Variants in IL23R observed in about 807,000 individuals in gnomAD.
IL23R encodes interleukin 23 receptor, also known as interleukin-23 receptor.
Under a neutral mutation model 56.9 loss-of-function variants are expected in IL23R, and 34 were observed. The ratio of observed to expected loss-of-function variants is 0.60; its 90% CI spans 0.45 to 0.80. The LOEUF (loss-of-function observed/expected upper bound fraction) is 0.80, where lower values mean the gene tolerates loss of function less well. Among genes scored for constraint, IL23R ranks in the 30% least tolerant of loss-of-function variants. The probability of loss-of-function intolerance (pLI) is 0.00; values close to 1 mark genes in which losing one functional copy is unlikely to be tolerated. For missense variants in IL23R, 635 were observed against 730.0 expected (o/e 0.87, Z 1.50); for synonymous variants, 230 against 249.2 (o/e 0.92, Z 0.73).
chr1:67,225,898 G>A (rs1650586060), intron 7 of IL23R, among the ~76,000 whole-genome samples: 1 of 152,186 alleles, frequency 6.6e-6, no homozygotes, highest in Non-Finnish European at 1.5e-5. Context: ...CATTGCTGTA[G>A]AGGTCAGACA....
chr1:67,142,971 C>A (rs575811308), intron 1 of IL23R, among the ~76,000 whole-genome samples: 2 of 152,310 alleles, frequency 1.3e-5, no homozygotes, highest in South Asian at 2.1e-4. Context: ...GTAGGTATAA[C>A]TATGCCTATT....
chr1:67,241,131 T>C (rs927366252), intron 9 of IL23R, among the ~76,000 whole-genome samples: 2 of 152,222 alleles, frequency 1.3e-5, no homozygotes, highest in Admixed American at 6.5e-5. Context: ...CTTTAATAAT[T>C]CCCCCCTTTT....
intron 1 of IL23R, among the ~76,000 whole-genome samples, chr1:67,152,708 T>C (rs552611436): frequency 6.6e-6 from 1 of 151,816 alleles, no homozygotes; most frequent in South Asian, 2.1e-4. Context: ...GAGATAATCA[T>C]GTGGTTCTTT....
At chr1:67,228,931 A>G (rs966787188) in intron 7 of IL23R, among the ~76,000 whole-genome samples, 2 of 152,206 alleles carry the variant, frequency 1.3e-5, no homozygotes, top group Admixed American at 6.5e-5. Context: ...GTAACTGAGT[A>G]GAAAGAACAT....
At chr1:67,194,662 C>T (rs1648001590) in intron 4 of IL23R, among the ~76,000 whole-genome samples, 1 of 152,114 alleles carries the variant, frequency 6.6e-6, no homozygotes, top group African/African-American at 2.4e-5. Flanking sequence ...TCCATTTTGA[C>T]TTGTGGTCTC....
At chr1:67,139,815 A>G (rs189396750) in intron 1 of IL23R, among the ~76,000 whole-genome samples, 6 of 152,258 alleles carry the variant, frequency 3.9e-5, no homozygotes, top group Admixed American at 3.9e-4. Context: ...TAGCTGTCCT[A>G]CAGGAAAGAC....
At chr1:67,228,065 G>T (rs111760419) in intron 7 of IL23R, among the ~76,000 whole-genome samples, 2 of 84,758 alleles carry the variant, frequency 2.4e-5, no homozygotes, top group Admixed American at 1.4e-4. Context: ...TTCTTTCTCT[G>T]TCTCTCTCTT....
chr1:67,168,033 G>A (rs1646894485), intron 1 of IL23R, 59 bp from the exon 2 acceptor site: 1 of 952,892 alleles, frequency 1.0e-6, no homozygotes, highest in Non-Finnish European at 1.7e-6. Flanking sequence ...AAAATGTTAT[G>A]CTTTTTATTA....
intron 1 of IL23R, among the ~76,000 whole-genome samples, chr1:67,141,763 G>A (rs1267648114): frequency 6.6e-6 from 1 of 151,980 alleles, no homozygotes; most frequent in East Asian, 1.9e-4. Context: ...GGATAATTAA[G>A]GAATCAGAGA....
chr1:67,196,779 A>G (rs1047522425), intron 4 of IL23R, among the ~76,000 whole-genome samples: 5 of 152,260 alleles, frequency 3.3e-5, no homozygotes, highest in Non-Finnish European at 5.9e-5. Context: ...TAATGCTTAA[A>G]AAAATGCTTA....
intron 5 of IL23R, among the ~76,000 whole-genome samples, chr1:67,204,265 A>G (rs987482158): frequency 2.6e-5 from 4 of 152,108 alleles, no homozygotes; most frequent in African/African-American, 9.7e-5. Context: ...GGGTTTCACC[A>G]TGTTAGCCAG....
At chr1:67,187,573 G>A (rs1647428562) in intron 4 of IL23R, among the ~76,000 whole-genome samples, 1 of 151,970 alleles carries the variant, frequency 6.6e-6, no homozygotes, top group Admixed American at 6.6e-5. Flanking sequence ...TATAAAGTAA[G>A]GAATATTTGT....
intron 4 of IL23R, among the ~76,000 whole-genome samples, chr1:67,200,339 A>T (rs1041077316): frequency 1.3e-5 from 2 of 151,164 alleles, no homozygotes; most frequent in African/African-American, 4.9e-5. Flanking sequence ...ATAAATTCTA[A>T]TTTTTTTTAA....
intron 1 of IL23R, among the ~76,000 whole-genome samples, chr1:67,152,741 G>A (rs892872557): frequency 4.4e-5 from 5 of 114,454 alleles, no homozygotes; most frequent in Non-Finnish European, 8.3e-5. Context: ...TTTATGTGAT[G>A]CGTTACATTT....
intron 1 of IL23R, among the ~76,000 whole-genome samples, chr1:67,151,196 TGCA>T (rs1646725707): frequency 6.6e-6 from 1 of 152,244 alleles, no homozygotes; most frequent in African/African-American, 2.4e-5. Context: ...TGCATTTCTC[TGCA>T]GATCAGTGGT....
intron 6 of IL23R, among the ~76,000 whole-genome samples, chr1:67,214,970 A>G (rs1455167396): frequency 1.3e-5 from 2 of 152,040 alleles, no homozygotes; most frequent in Non-Finnish European, 2.9e-5. Context: ...ACATTGTGAA[A>G]CTCCCTGCCC....
chr1:67,225,113 G>A (rs562834036), intron 7 of IL23R, among the ~76,000 whole-genome samples: 18 of 152,088 alleles, frequency 1.2e-4, no homozygotes, highest in Admixed American at 9.8e-4. Flanking sequence ...TCCTGCATCC[G>A]CCTGTGAAAC....
At chr1:67,200,575 G>A (rs1478591995) in intron 4 of IL23R, among the ~76,000 whole-genome samples, 162 bp from the exon 5 acceptor site, 1 of 151,788 alleles carries the variant, frequency 6.6e-6, no homozygotes, top group Admixed American at 6.6e-5. Context: ...AATAGAGACA[G>A]GGTTTCACCA....
At chr1:67,171,083 T>G (rs1646937891) in intron 3 of IL23R, among the ~76,000 whole-genome samples, 1 of 152,162 alleles carries the variant, frequency 6.6e-6, no homozygotes, top group South Asian at 2.1e-4. Context: ...CTTCTTAGCT[T>G]GTCCACATCC....
Sources: allele counts gnomAD v4.1 joint callset (sites outside exome capture counted in the v4.1 genomes callset), GRCh38; gene constraint gnomAD v4.1.1; transcripts MANE v1.5; gene names NCBI Gene and HGNC (gene_info 2026-07-23, HGNC 2026-07-21).